PSD3: variants seen among roughly 807,000 people sequenced by gnomAD.
PSD3 encodes the protein PH and SEC7 domain-containing protein 3.
A neutral mutation model predicts 105.5 loss-of-function variants in PSD3; 49 were observed. The ratio of observed to expected loss-of-function variants is 0.46; its 90% CI spans 0.37 to 0.59. PSD3 has a LOEUF of 0.59. Among genes scored for constraint, PSD3 ranks in the 20% least tolerant of loss-of-function variants. The probability of loss-of-function intolerance (pLI) is 0.00; values close to 1 mark genes in which losing one functional copy is unlikely to be tolerated. For synonymous variants in PSD3, 557 were observed against 457.8 expected (o/e 1.22, Z -2.77); for missense variants, 1,561 against 1,263.8 (o/e 1.24, Z -3.57).
intron 9 of PSD3, among the ~76,000 whole-genome samples, chr8:18,719,395 A>G (rs957147505): frequency 6.6e-5 from 10 of 152,228 alleles, no homozygotes; most frequent in Non-Finnish European, 1.2e-4. Context: ...CCAGAGAAAA[A>G]GAATTTTCTC....
At chr8:18,976,595 T>C (rs1824953611) in intron 1 of PSD3, among the ~76,000 whole-genome samples, 1 of 152,260 alleles carries the variant, frequency 6.6e-6, no homozygotes, top group Admixed American at 6.5e-5. Context: ...AACCTCATTA[T>C]GTCTTAATGT....
At chr8:18,728,977 G>A (rs929444513) in intron 9 of PSD3, among the ~76,000 whole-genome samples, 3 of 152,142 alleles carry the variant, frequency 2.0e-5, no homozygotes, top group African/African-American at 4.8e-5. Context: ...GGCTTTCTCT[G>A]TATCTCAAAA....
intron 9 of PSD3, among the ~76,000 whole-genome samples, chr8:18,744,904 G>T (rs1804882198): frequency 6.6e-6 from 1 of 152,098 alleles, no homozygotes; most frequent in Non-Finnish European, 1.5e-5. Context: ...TGTCTTTTAT[G>T]ACCTCGACAC....
At chr8:18,706,879 A>G (rs931518322) in intron 9 of PSD3, among the ~76,000 whole-genome samples, 1 of 152,198 alleles carries the variant, frequency 6.6e-6, no homozygotes, top group South Asian at 2.1e-4. Context: ...TCCTGGTTAA[A>G]CCAGCTTAGA....
At chr8:18,932,550 G>C (rs976862074) in intron 2 of PSD3, among the ~76,000 whole-genome samples, 2 of 152,180 alleles carry the variant, frequency 1.3e-5, no homozygotes, top group African/African-American at 2.4e-5. Flanking sequence ...CTAAAGCTGA[G>C]ACTTCTCATG....
At chr8:18,755,443 A>ATAACAT (rs1427113675) in intron 9 of PSD3, among the ~76,000 whole-genome samples, 1 of 149,372 alleles carries the variant, frequency 6.7e-6, no homozygotes, top group Non-Finnish European at 1.5e-5. Context: ...ATAACATAAC[A>ATAACAT]TAACATAACA....
intron 1 of PSD3, chr8:19,084,122 A>G: frequency 1.1e-5 from 4 of 376,032 alleles, no homozygotes; most frequent in South Asian, 7.9e-5. Context: ...GAGAGAACCA[A>G]CGCCAGAAAT....
chr8:19,063,742 G>A (rs1828981069), intron 1 of PSD3, among the ~76,000 whole-genome samples: 1 of 152,122 alleles, frequency 6.6e-6, no homozygotes, highest in African/African-American at 2.4e-5. Context: ...TGGCCTGAAG[G>A]TGCATAGTCA....
rs1050194386 is a variant in PSD3 at position 18,742,313 on chromosome 8, A to G, written c.2172+23136T>C. Among the ~76,000 whole-genome samples, 5 of 152,188 alleles carry G rather than the reference A, an allele frequency of 3.3e-5. No individual in the cohort carries two copies. In the East Asian group the frequency reaches 5.8e-4, roughly 18 times the overall value. Reference sequence around the variant, plus strand: ...CAACCAACCTAGTATCACCAAAACCACAAAGACAGACGGGCCTTAAATTTG... The same window carrying G: ...CAACCAACCTAGTATCACCAAAACCGCAAAGACAGACGGGCCTTAAATTTG... On this transcript the variant is annotated intron_variant, in intron 9 of 15. Transcript: ENST00000327040.
chr8:18,827,007 T>G (rs1024888745), intron 4 of PSD3, among the ~76,000 whole-genome samples: 9 of 151,888 alleles, frequency 5.9e-5, no homozygotes, highest in Admixed American at 2.6e-4. Flanking sequence ...GGTTCTGACA[T>G]TGTTTCGTAC....
chr8:18,973,239 C>T (rs1305403547), intron 1 of PSD3, among the ~76,000 whole-genome samples: 1 of 152,170 alleles, frequency 6.6e-6, no homozygotes, highest in African/African-American at 2.4e-5. Flanking sequence ...CAACTGAAAA[C>T]CCCCTCAAGA....
rs1489813175 is a variant in PSD3, at chr8:18,575,215, A to G, written c.2552T>C (p.Leu851Ser). ...CTCATAGTCCGTGGCCTTGGATGCC[A>G]ATGCGTGGTGCACACTCACAGCGTT... The part of the protein sequence containing the change: ...LKNAVSVHHA[L>S]ASKATDYEKK... Residue 851 changes from leucine to serine, a missense_variant, in exon 13 of 16, where the codon TTG becomes TCG. Coordinates refer to ENST00000327040, the MANE Select transcript of PSD3 (RefSeq NM_015310.4). 1 of 1,614,012 alleles carries G rather than the reference A, an allele frequency of 6.2e-7. No homozygotes were observed. Among genetic ancestry groups the G allele is most frequent in the East Asian group, 2.2e-5 (1 of 44,856 alleles).
intron 1 of PSD3, among the ~76,000 whole-genome samples, chr8:19,083,131 A>G (rs577361009): frequency 6.6e-6 from 1 of 152,152 alleles, no homozygotes; most frequent in Admixed American, 6.5e-5. Flanking sequence ...CTAACCCTCA[A>G]CACTCCAATG....
intron 1 of PSD3, among the ~76,000 whole-genome samples, chr8:19,079,168 G>A (rs1014867837): frequency 5.9e-5 from 9 of 152,042 alleles, no homozygotes; most frequent in African/African-American, 1.9e-4. Flanking sequence ...GTTGTCATGG[G>A]AACACTAAGG....
chr8:18,939,211 C>T (rs1341464531), intron 1 of PSD3, among the ~76,000 whole-genome samples: 1 of 152,124 alleles, frequency 6.6e-6, no homozygotes, highest in East Asian at 1.9e-4. Flanking sequence ...AACCTCAGGT[C>T]CGTGGGGAAG....
intron 4 of PSD3, among the ~76,000 whole-genome samples, chr8:18,859,173 G>C (rs73582623): frequency 5.3e-5 from 8 of 151,918 alleles, no homozygotes; most frequent in Non-Finnish European, 8.8e-5. Context: ...CAGAGCTCCC[G>C]GGTGACCAGG....
intron 11 of PSD3, among the ~76,000 whole-genome samples, chr8:18,629,135 A>G (rs1806710278): frequency 6.6e-6 from 1 of 152,016 alleles, no homozygotes; most frequent in African/African-American, 2.4e-5. Context: ...GAAGGAAACT[A>G]AAGTGGCTGT....
intron 11 of PSD3, among the ~76,000 whole-genome samples, chr8:18,611,068 A>T (rs1585381882): frequency 6.6e-6 from 1 of 152,268 alleles, no homozygotes; most frequent in East Asian, 1.9e-4. Flanking sequence ...TAACATAAAC[A>T]ATGAAAGTTA....
chr8:18,701,055 C>T (rs919107126), intron 9 of PSD3, among the ~76,000 whole-genome samples: 1 of 152,064 alleles, frequency 6.6e-6, no homozygotes, highest in Non-Finnish European at 1.5e-5. Flanking sequence ...TAGCCTCAAC[C>T]TCCTGGCTTA....
Sources: allele counts gnomAD v4.1 joint callset (sites outside exome capture counted in the v4.1 genomes callset), GRCh38; gene constraint gnomAD v4.1.1; transcripts MANE v1.5; gene names NCBI Gene and HGNC (gene_info 2026-07-23, HGNC 2026-07-21).